The following RHBDD1 variants were observed in gnomAD, a reference collection of about 807,000 sequenced individuals.
RHBDD1 encodes rhomboid-related protein 4.
RHBDD1 carries 38 observed loss-of-function variants against 36.3 expected under a neutral mutation model. The ratio of observed to expected loss-of-function variants is 1.05; its 90% CI spans 0.81 to 1.37. RHBDD1 has a LOEUF of 1.37. RHBDD1 is among the 40% of genes most tolerant of loss of function. RHBDD1 has a pLI of 0.00. For missense variants in RHBDD1, 393 were observed against 377.6 expected (o/e 1.04, Z -0.34); for synonymous variants, 151 against 136.5 (o/e 1.11, Z -0.74).
At chr2:226,960,078 C>T in intron 8 of RHBDD1, among the ~76,000 whole-genome samples, 1 of 152,166 alleles carries the variant, frequency 6.6e-6, no homozygotes, top group East Asian at 1.9e-4. Context: ...CCACCTTGGC[C>T]TCCCTAAGTG....
chr2:226,910,493 T>C (rs1948443532), intron 7 of RHBDD1, among the ~76,000 whole-genome samples: 1 of 152,110 alleles, frequency 6.6e-6, no homozygotes, highest in Non-Finnish European at 1.5e-5. Flanking sequence ...AAAGTCTTTA[T>C]AGGTCAAAGA....
At chr2:226,967,690 A>G (rs1273569011) in intron 8 of RHBDD1, among the ~76,000 whole-genome samples, 1 of 152,058 alleles carries the variant, frequency 6.6e-6, no homozygotes, top group Non-Finnish European at 1.5e-5. Flanking sequence ...ATAAATTTTA[A>G]TTGTTATAGT....
intron 3 of RHBDD1, among the ~76,000 whole-genome samples, chr2:226,857,736 G>A (rs546717192): frequency 7.2e-5 from 11 of 152,262 alleles, no homozygotes; most frequent in African/African-American, 2.2e-4. Flanking sequence ...GCAAATTCAT[G>A]GGGACAGAAA....
intron 5 of RHBDD1, among the ~76,000 whole-genome samples, chr2:226,873,082 A>G (rs1007585649): frequency 1.9e-4 from 29 of 152,172 alleles, no homozygotes. Context: ...ACTTTACTGC[A>G]AGTGCTAGCT....
intron 5 of RHBDD1, among the ~76,000 whole-genome samples, chr2:226,869,939 C>T (rs1205832177): frequency 6.6e-6 from 1 of 152,202 alleles, no homozygotes; most frequent in Non-Finnish European, 1.5e-5. Flanking sequence ...CCTACCCCCA[C>T]CAAGATTCTG....
chr2:226,874,788 C>G lies in RHBDD1; in HGVS notation c.566+7470C>G, dbSNP rs1168452822. On this transcript the variant is annotated intron_variant, in intron 5 of 8. Transcript: ENST00000392062. ...TGGATGTAGATGTCTTTTGGGGAAC[C>G]ATTATTCAGCCTACTACAGCATAAA... 2.0e-5 allele frequency among the ~76,000 whole-genome samples: 3 copies of G among 152,100 alleles called. No homozygotes were observed. The East Asian group carries it at 5.8e-4, about 29-fold the overall frequency.
At chr2:226,915,236 C>T (rs976894731) in intron 8 of RHBDD1, among the ~76,000 whole-genome samples, 2 of 152,092 alleles carry the variant, frequency 1.3e-5, no homozygotes, top group Non-Finnish European at 2.9e-5. Flanking sequence ...GAGGAGATAG[C>T]ATTTGAGTTG....
intron 3 of RHBDD1, among the ~76,000 whole-genome samples, chr2:226,851,051 T>C (rs894159645): frequency 6.6e-6 from 1 of 152,154 alleles, no homozygotes. Flanking sequence ...GCCCTATGCC[T>C]TTCTTTCTGT....
intron 8 of RHBDD1, among the ~76,000 whole-genome samples, chr2:226,916,418 T>G (rs1231734336): frequency 6.6e-6 from 1 of 152,180 alleles, no homozygotes; most frequent in Admixed American, 6.5e-5. Flanking sequence ...ATTCTCATGG[T>G]TATTCCTGTA....
At chr2:226,947,528 A>G (rs1328673177) in intron 8 of RHBDD1, among the ~76,000 whole-genome samples, 2 of 152,086 alleles carry the variant, frequency 1.3e-5, no homozygotes, top group Non-Finnish European at 2.9e-5. Context: ...GTTTGAAGTC[A>G]GGTAGTGTGA....
chr2:226,984,653 T>C (rs1440810306), intron 8 of RHBDD1, among the ~76,000 whole-genome samples: 2 of 152,046 alleles, frequency 1.3e-5, no homozygotes, highest in African/African-American at 4.8e-5. Context: ...CGCCCTGGGG[T>C]CGTAGGCTAA....
At chr2:226,888,712 G>T (rs1559235415) in intron 5 of RHBDD1, among the ~76,000 whole-genome samples, 1 of 152,080 alleles carries the variant, frequency 6.6e-6, no homozygotes, top group Admixed American at 6.5e-5. Flanking sequence ...TTGCCAAAGG[G>T]CAGTGAAGAA....
At chr2:226,826,521 T>C in the RHBDD1 span, among the ~76,000 whole-genome samples, 1 of 148,152 alleles carries the variant, frequency 6.7e-6, no homozygotes, top group Non-Finnish European at 1.5e-5. Flanking sequence ...TGATAGATTT[T>C]TTTTTTTTTT....
intron 3 of RHBDD1, among the ~76,000 whole-genome samples, chr2:226,864,034 G>A (rs1406031847): frequency 6.6e-6 from 1 of 152,156 alleles, no homozygotes; most frequent in Non-Finnish European, 1.5e-5. Flanking sequence ...CCCAGGATTT[G>A]GCTTGTAGAG....
At chr2:226,880,928 G>T (rs1258997023) in intron 5 of RHBDD1, among the ~76,000 whole-genome samples, 2 of 152,132 alleles carry the variant, frequency 1.3e-5, no homozygotes, top group Admixed American at 6.5e-5. Context: ...ATATGATGAA[G>T]AACCCAAACT....
At chr2:226,854,625 T>C (rs1415841692) in intron 3 of RHBDD1, among the ~76,000 whole-genome samples, 1 of 143,380 alleles carries the variant, frequency 7.0e-6, no homozygotes, top group Non-Finnish European at 1.5e-5. Context: ...AAAAAGGCGC[T>C]TACCTAATGT....
At chr2:226,871,443 A>G (rs1465104066) in intron 5 of RHBDD1, among the ~76,000 whole-genome samples, 1 of 152,338 alleles carries the variant, frequency 6.6e-6, no homozygotes, top group East Asian at 1.9e-4. Context: ...TAATTGGTTC[A>G]TGTTCAGATT....
intron 8 of RHBDD1, among the ~76,000 whole-genome samples, chr2:226,946,703 A>G (rs377066061): frequency 1.3e-5 from 2 of 152,222 alleles, no homozygotes; most frequent in African/African-American, 4.8e-5. Context: ...AGAAACTACT[A>G]TAAATACTTC....
At chr2:226,871,085 C>T (rs926936365) in intron 5 of RHBDD1, among the ~76,000 whole-genome samples, 3 of 152,044 alleles carry the variant, frequency 2.0e-5, no homozygotes, top group African/African-American at 7.3e-5. Flanking sequence ...TACTTTGACC[C>T]AACTAAAAAT....
Sources: allele counts gnomAD v4.1 joint callset (sites outside exome capture counted in the v4.1 genomes callset), GRCh38; gene constraint gnomAD v4.1.1; transcripts MANE v1.5; gene names NCBI Gene and HGNC (gene_info 2026-07-23, HGNC 2026-07-21).